The following GRID2 variants were observed in gnomAD, a reference collection of about 807,000 sequenced individuals.
GRID2 encodes the protein glutamate ionotropic receptor delta type subunit 2, also known as glutamate receptor ionotropic, delta-2.
Under a neutral mutation model 114.8 loss-of-function variants are expected in GRID2, and 33 were observed. The observed-to-expected ratio is 0.29, with a 90% CI of 0.22 to 0.38. The LOEUF (loss-of-function observed/expected upper bound fraction) is 0.38, where lower values mean the gene tolerates loss of function less well. GRID2 is among the 10% of genes least tolerant of loss of function. The probability of loss-of-function intolerance (pLI) is 1.00; values close to 1 mark genes in which losing one functional copy is unlikely to be tolerated. For missense variants in GRID2, 1,184 were observed against 1,257.7 expected, an observed-to-expected ratio of 0.94 and a Z score of 0.89; for synonymous variants, 505 against 449.9, an observed-to-expected ratio of 1.12 and a Z score of -1.55.
At chr4:93,524,232 G>A (rs1730612940) in intron 13 of GRID2, among the ~76,000 whole-genome samples, 1 of 152,108 alleles carries the variant, frequency 6.6e-6, no homozygotes, top group Admixed American at 6.5e-5. Flanking sequence ...AGCCTGGGCT[G>A]TCATACCACT....
intron 13 of GRID2, among the ~76,000 whole-genome samples, chr4:93,598,023 A>C (rs1346416106): frequency 6.6e-6 from 1 of 152,252 alleles, no homozygotes; most frequent in Non-Finnish European, 1.5e-5. Context: ...GAAAGACTAA[A>C]AATATAGACA....
intron 10 of GRID2, among the ~76,000 whole-genome samples, chr4:93,424,024 TCTTAA>T (rs1465249077): frequency 6.6e-6 from 1 of 152,168 alleles, no homozygotes; most frequent in Non-Finnish European, 1.5e-5. Context: ...TAATATGCCT[TCTTAA>T]CTTACTACAT....
intron 1 of GRID2, among the ~76,000 whole-genome samples, chr4:92,454,326 G>T (rs1191118739): frequency 6.6e-6 from 1 of 151,980 alleles, no homozygotes; most frequent in Non-Finnish European, 1.5e-5. Context: ...ATGAAAATGA[G>T]CATTATGCAT....
chr4:93,077,771 G>T (rs10022514), intron 2 of GRID2, among the ~76,000 whole-genome samples: 152 of 152,262 alleles, frequency 1.0e-3, no homozygotes, highest in African/African-American at 3.4e-3. Flanking sequence ...GACAGATAAG[G>T]TGTTGTTTTA....
At chr4:92,673,484 C>G (rs1159361313) in intron 2 of GRID2, among the ~76,000 whole-genome samples, 1 of 152,158 alleles carries the variant, frequency 6.6e-6, no homozygotes, top group Non-Finnish European at 1.5e-5. Flanking sequence ...TCATGAAGAT[C>G]TGTGTTTCTT....
At chr4:93,105,286 T>C (rs1198217809) in intron 3 of GRID2, among the ~76,000 whole-genome samples, 4 of 152,064 alleles carry the variant, frequency 2.6e-5, no homozygotes, top group Admixed American at 2.0e-4. Flanking sequence ...TAGTTTCTTT[T>C]GTTGTGCAGA....
At chr4:93,236,146 A>G (rs76740959) in intron 7 of GRID2, among the ~76,000 whole-genome samples, 2,666 of 152,138 alleles carry the variant, frequency 0.018, 75 homozygotes, top group African/African-American at 0.061. Flanking sequence ...TTCCTACAGT[A>G]TTTGTCATTT....
intron 1 of GRID2, among the ~76,000 whole-genome samples, chr4:93,804,078 C>T (rs1734986153): frequency 6.6e-6 from 1 of 152,190 alleles, no homozygotes; most frequent in South Asian, 2.1e-4. Context: ...TACAAGCCAG[C>T]CTGAAGGTCA....
intron 1 of GRID2, among the ~76,000 whole-genome samples, chr4:92,333,535 T>C (rs934848548): frequency 1.3e-5 from 2 of 152,208 alleles, no homozygotes; most frequent in Non-Finnish European, 2.9e-5. Context: ...TTTGCTCTCC[T>C]AAATAAGCCT....
chr4:92,515,551 G>A (rs62310698), intron 1 of GRID2, among the ~76,000 whole-genome samples: 1 of 151,652 alleles, frequency 6.6e-6, no homozygotes, highest in Non-Finnish European at 1.5e-5. Flanking sequence ...AACCAATCAA[G>A]AAGTCCAGTG....
chr4:93,114,620 T>C (rs959444717), intron 4 of GRID2, among the ~76,000 whole-genome samples: 13 of 152,122 alleles, frequency 8.5e-5, no homozygotes, highest in Non-Finnish European at 1.3e-4. Flanking sequence ...CTCACCCTAT[T>C]GTACTGTTCT....
chr4:92,329,775 A>G (rs1285122120), intron 1 of GRID2, among the ~76,000 whole-genome samples: 1 of 152,006 alleles, frequency 6.6e-6, no homozygotes, highest in Non-Finnish European at 1.5e-5. Flanking sequence ...GAGGTCTATG[A>G]AGAAAAAACA....
chr4:93,771,977 A>G, intron 15 of GRID2, 99 bp from the exon 16 acceptor site: 1 of 711,194 alleles, frequency 1.4e-6, no homozygotes, highest in Middle Eastern at 2.5e-4. Flanking sequence ...AATAAACCCC[A>G]AAGTTCAGTT....
chr4:92,676,577 C>G (rs1437598657), intron 2 of GRID2, among the ~76,000 whole-genome samples: 1 of 152,038 alleles, frequency 6.6e-6, no homozygotes, highest in Non-Finnish European at 1.5e-5. Flanking sequence ...ACTGTTGATT[C>G]ATATGGAGCA....
At chr4:93,082,439 GC>G (rs1729952430) in intron 2 of GRID2, among the ~76,000 whole-genome samples, 1 of 152,112 alleles carries the variant, frequency 6.6e-6, no homozygotes, top group Non-Finnish European at 1.5e-5. Context: ...AAAGGATTGG[GC>G]CCTCTCAGAG....
At chr4:92,424,130 T>C (rs944498568) in intron 1 of GRID2, among the ~76,000 whole-genome samples, 1 of 152,008 alleles carries the variant, frequency 6.6e-6, no homozygotes, top group African/African-American at 2.4e-5. Context: ...ACCCAAGCAG[T>C]TTTATACAAG....
rs78698963 is a variant in GRID2, at chr4:93,173,222, C to T, written c.736-34182C>T. Among the ~76,000 whole-genome samples, 840 of 151,988 alleles carry T rather than the reference C, an allele frequency of 5.5e-3. 10 individuals are homozygous for T. Among genetic ancestry groups the T allele is most frequent in the African/African-American group, 0.019 (805 of 41,442 alleles). On this transcript the variant is annotated intron_variant, in intron 4 of 15. Coordinates refer to ENST00000282020, the MANE Select transcript of GRID2 (RefSeq NM_001510.4). Reference sequence around the variant, plus strand: ...TCCAATAGATTTTTTTGACCAAATTCCAGTCAGATTCAAGAGAGGTTTCTC... The same window carrying T: ...TCCAATAGATTTTTTTGACCAAATTTCAGTCAGATTCAAGAGAGGTTTCTC...
intron 2 of GRID2, among the ~76,000 whole-genome samples, chr4:92,817,968 C>A (rs75060197): frequency 2.0e-5 from 3 of 151,996 alleles, no homozygotes; most frequent in Non-Finnish European, 4.4e-5. Flanking sequence ...CTATGTTTGC[C>A]GCTAAAAACT....
At chr4:93,634,955 G>A (rs1219655733) in intron 14 of GRID2, among the ~76,000 whole-genome samples, 2 of 151,760 alleles carry the variant, frequency 1.3e-5, no homozygotes, top group Non-Finnish European at 2.9e-5. Context: ...CCTTTTCTTG[G>A]TCATCTATTA....
Sources: allele counts gnomAD v4.1 joint callset (sites outside exome capture counted in the v4.1 genomes callset), GRCh38; gene constraint gnomAD v4.1.1; transcripts MANE v1.5; gene names NCBI Gene and HGNC (gene_info 2026-07-23, HGNC 2026-07-21).